Variants in RAD51B observed in about 807,000 individuals in gnomAD.
RAD51B encodes DNA repair protein RAD51 homolog 2.
A neutral mutation model predicts 42.2 loss-of-function variants in RAD51B; 38 were observed. The ratio of observed to expected loss-of-function variants is 0.90; its 90% CI spans 0.70 to 1.18. RAD51B has a LOEUF of 1.18. Ranked by LOEUF, RAD51B falls within the 50% of genes most tolerant of loss-of-function variation. The pLI is 0.00. For missense variants in RAD51B, 373 were observed against 400.7 expected (o/e 0.93, Z 0.59); for synonymous variants, 154 against 145.2 (o/e 1.06, Z -0.43).
At chr14:68,315,724 A>G (rs558426786) in intron 8 of RAD51B, among the ~76,000 whole-genome samples, 25 of 152,212 alleles carry the variant, frequency 1.6e-4, no homozygotes, top group East Asian at 1.2e-3. Context: ...GGGTTTCACC[A>G]TGTTAGCCAG....
chr14:68,142,425 G>T (rs941126239), intron 7 of RAD51B, among the ~76,000 whole-genome samples: 1 of 152,092 alleles, frequency 6.6e-6, no homozygotes, highest in East Asian at 1.9e-4. Flanking sequence ...CTATAATATA[G>T]GTTTACTTTT....
intron 7 of RAD51B, among the ~76,000 whole-genome samples, chr14:68,086,735 T>A (rs188112458): frequency 1.3e-5 from 2 of 152,254 alleles, no homozygotes; most frequent in Non-Finnish European, 2.9e-5. Flanking sequence ...GGGATGTTAT[T>A]GGTGATGAGA....
chr14:68,393,317 G>A (rs1490529708), intron 8 of RAD51B, among the ~76,000 whole-genome samples: 1 of 152,206 alleles, frequency 6.6e-6, no homozygotes, highest in Non-Finnish European at 1.5e-5. Flanking sequence ...TTTCTTCAGT[G>A]CACCGTCAAA....
intron 7 of RAD51B, among the ~76,000 whole-genome samples, chr14:67,895,751 C>T (rs552217484): frequency 3.4e-4 from 52 of 152,238 alleles, no homozygotes; most frequent in African/African-American, 1.2e-3. Context: ...TTCCTTCTGG[C>T]TCCAACCTAC....
At chr14:68,240,780 T>G (rs772259175) in intron 7 of RAD51B, among the ~76,000 whole-genome samples, 1 of 152,244 alleles carries the variant, frequency 6.6e-6, no homozygotes, top group South Asian at 2.1e-4. Context: ...TTTCTTCAAG[T>G]TATGCTATCA....
chr14:67,979,790 A>G (rs2075058152), intron 7 of RAD51B, among the ~76,000 whole-genome samples: 1 of 152,134 alleles, frequency 6.6e-6, no homozygotes, highest in Non-Finnish European at 1.5e-5. Context: ...ACTATCTTCT[A>G]TATCTTTTGA....
intron 7 of RAD51B, among the ~76,000 whole-genome samples, chr14:67,949,064 A>C (rs2074393303): frequency 6.6e-6 from 1 of 151,832 alleles, no homozygotes. Flanking sequence ...GTCCCCTCTC[A>C]ATGTTGATAG....
chr14:68,189,326 C>T (rs1595529233), intron 7 of RAD51B, among the ~76,000 whole-genome samples: 1 of 151,994 alleles, frequency 6.6e-6, no homozygotes, highest in East Asian at 1.9e-4. Context: ...ACATAATTTC[C>T]TCAGTTCATC....
intron 10 of RAD51B, among the ~76,000 whole-genome samples, chr14:68,522,368 G>A (rs1218496056): frequency 6.6e-6 from 1 of 152,176 alleles, no homozygotes; most frequent in Non-Finnish European, 1.5e-5. Context: ...TTTCCAGGAT[G>A]AGGTTGAAGG....
intron 7 of RAD51B, among the ~76,000 whole-genome samples, chr14:68,184,039 G>C (rs981949847): frequency 1.6e-4 from 24 of 150,198 alleles, no homozygotes; most frequent in African/African-American, 5.9e-4. Context: ...CTTGCAGTGA[G>C]CGGAGATCAC....
chr14:68,579,949 CAGA>C (rs1890136482), intron 10 of RAD51B, among the ~76,000 whole-genome samples: 2 of 152,214 alleles, frequency 1.3e-5, no homozygotes, highest in African/African-American at 4.8e-5. Flanking sequence ...AAGATCTGCC[CAGA>C]AGGAGAAGGT....
intron 7 of RAD51B, among the ~76,000 whole-genome samples, chr14:68,271,024 T>G (rs1219573295): frequency 6.6e-6 from 1 of 152,266 alleles, no homozygotes; most frequent in Non-Finnish European, 1.5e-5. Context: ...TGTTCATATT[T>G]CTTTTTCCCA....
At chr14:67,830,041 G>A (rs1312454606) in intron 3 of RAD51B, among the ~76,000 whole-genome samples, 2 of 152,124 alleles carry the variant, frequency 1.3e-5, no homozygotes, top group African/African-American at 4.8e-5. Context: ...TGGGCGTTGG[G>A]TATAACAGAT....
intron 7 of RAD51B, chr14:68,113,720 C>A (rs2077495390): frequency 2.0e-5 from 3 of 152,002 alleles, no homozygotes. Flanking sequence ...AACTGATTAT[C>A]TGGATACCAG....
chr14:68,327,714 G>A lies in RAD51B; in HGVS notation c.853+35734G>A, dbSNP rs138727322. On this transcript the variant is annotated intron_variant, in intron 8 of 10. Coordinates refer to ENST00000471583, the MANE Select transcript of RAD51B (RefSeq NM_133510.4). ...CCATTATGAGTAGATATTAATCTTC[G>A]AGAAGGTATTATTAAAAAAAAGTAT... Among the ~76,000 whole-genome samples the A allele has an allele frequency of 8.1e-3, 1,007 of 124,306 alleles. 10 individuals carry two copies. Among genetic ancestry groups the A allele is most frequent in the African/African-American group, 0.022 (864 of 39,912 alleles). 81.5% of individuals were successfully genotyped at this position (124,306 alleles called of 152,430 possible).
intron 7 of RAD51B, among the ~76,000 whole-genome samples, chr14:68,014,026 CTTG>C (rs751172554): frequency 1.1e-4 from 17 of 152,046 alleles, no homozygotes; most frequent in Non-Finnish European, 1.5e-4. Flanking sequence ...ATATCTTGGT[CTTG>C]TTGTGATAAT....
chr14:68,201,038 C>T (rs574519488), intron 7 of RAD51B, among the ~76,000 whole-genome samples: 3 of 152,190 alleles, frequency 2.0e-5, no homozygotes, highest in South Asian at 2.1e-4. Context: ...CTCCCAAAGT[C>T]GAAAGTAGTC....
chr14:68,380,460 C>T (rs1457466958), intron 8 of RAD51B, among the ~76,000 whole-genome samples: 8 of 152,150 alleles, frequency 5.3e-5, no homozygotes, highest in Non-Finnish European at 1.2e-4. Context: ...TAATATACAC[C>T]TATGTTTTCT....
intron 10 of RAD51B, among the ~76,000 whole-genome samples, chr14:68,605,319 C>A (rs1188449157): frequency 1.3e-5 from 2 of 152,240 alleles, no homozygotes; most frequent in African/African-American, 4.8e-5. Flanking sequence ...AAATTTAATT[C>A]TCTCAGCAAG....
Sources: gnomAD v4.1 joint callset for allele counts (sites outside exome capture counted in the v4.1 genomes callset) on GRCh38, gnomAD v4.1.1 for gene constraint, MANE v1.5 for transcripts, NCBI Gene and HGNC (gene_info 2026-07-23, HGNC 2026-07-21) for gene names.